The following EYS variants were observed in gnomAD, a reference collection of about 807,000 sequenced individuals.
EYS encodes the protein EGF-like photoreceptor maintenance factor.
EYS carries 250 observed loss-of-function variants against 282.1 expected under a neutral mutation model. That is an observed-to-expected ratio of 0.89 (90% CI 0.80 to 0.98). The LOEUF is 0.98. Among genes scored for constraint, EYS ranks in the 50% least tolerant of loss-of-function variants. The pLI is 0.00. For synonymous variants in EYS, 1,355 were observed against 1,282.9 expected (o/e 1.06, Z -1.20); for missense variants, 4,016 against 3,709.0 (o/e 1.08, Z -2.15).
intron 19 of EYS, among the ~76,000 whole-genome samples, chr6:64,847,569 T>G (rs1765754907): frequency 6.6e-6 from 1 of 152,068 alleles, no homozygotes; most frequent in Non-Finnish European, 1.5e-5. Context: ...AAATAATGTC[T>G]TGTAAGTCCA....
intron 13 of EYS, among the ~76,000 whole-genome samples, chr6:65,007,329 G>T (rs946471847): frequency 6.6e-6 from 1 of 152,104 alleles, no homozygotes; most frequent in African/African-American, 2.4e-5. Context: ...CCCCTAAGAT[G>T]TATTCTGGAG....
intron 7 of EYS, among the ~76,000 whole-genome samples, chr6:65,392,572 T>G (rs2150357388): frequency 6.6e-6 from 1 of 152,208 alleles, no homozygotes; most frequent in Middle Eastern, 3.4e-3. Flanking sequence ...CATGAAAAAA[T>G]GCTCACCATC....
At chr6:65,413,894 T>A (rs992170663) in intron 5 of EYS, among the ~76,000 whole-genome samples, 5 of 152,088 alleles carry the variant, frequency 3.3e-5, no homozygotes, top group African/African-American at 9.6e-5. Context: ...ACTTCCCACA[T>A]CTTGTTGTAT....
intron 5 of EYS, among the ~76,000 whole-genome samples, chr6:65,481,816 C>T (rs141728956): frequency 0.04 from 6,043 of 152,102 alleles, 143 homozygotes; most frequent in African/African-American, 0.047. Context: ...ATGATCCATC[C>T]GCCTCGGCCT....
At chr6:64,260,854 T>C (rs1279445968) in intron 30 of EYS, among the ~76,000 whole-genome samples, 5 of 152,012 alleles carry the variant, frequency 3.3e-5, no homozygotes, top group Admixed American at 6.6e-5. Context: ...TCTCTTAACT[T>C]TCCAATTTGT....
intron 31 of EYS, among the ~76,000 whole-genome samples, chr6:64,229,475 A>AT (rs1324649769): frequency 1.3e-5 from 2 of 152,172 alleles, no homozygotes; most frequent in Admixed American, 1.3e-4. Context: ...ACATCATGAT[A>AT]TTTTGCAAAC....
At chr6:65,402,972 C>A (rs1255878091) in intron 6 of EYS, among the ~76,000 whole-genome samples, 2 of 152,042 alleles carry the variant, frequency 1.3e-5, no homozygotes, top group Non-Finnish European at 2.9e-5. Context: ...GAAGCGCAGG[C>A]CACATGGAGA....
chr6:64,360,547 T>G (rs1388783680), intron 29 of EYS, among the ~76,000 whole-genome samples: 1 of 151,788 alleles, frequency 6.6e-6, no homozygotes, highest in Non-Finnish European at 1.5e-5. Context: ...TCCTTGTTAT[T>G]TTTCTCAGCT....
At chr6:64,686,516 C>T (rs377732385) in intron 22 of EYS, among the ~76,000 whole-genome samples, 3 of 150,712 alleles carry the variant, frequency 2.0e-5, no homozygotes, top group Non-Finnish European at 3.0e-5. Context: ...CCGAGGCGGG[C>T]GGATCACGAG....
chr6:65,377,199 A>C (rs1258023635), intron 8 of EYS, among the ~76,000 whole-genome samples: 1 of 152,206 alleles, frequency 6.6e-6, no homozygotes, highest in African/African-American at 2.4e-5. Context: ...CAGTGTAATC[A>C]AATTAAAACT....
chr6:65,332,552 G>T (rs148432678), intron 11 of EYS: 2 of 710,024 alleles, frequency 2.8e-6, no homozygotes, highest in African/African-American at 1.8e-5. Flanking sequence ...TATACAGAGG[G>T]TTTATAGTGC....
chr6:63,722,920 A>G (rs1768461572), intron 42 of EYS, among the ~76,000 whole-genome samples: 1 of 152,204 alleles, frequency 6.6e-6, no homozygotes, highest in African/African-American at 2.4e-5. Flanking sequence ...TGAGTATACT[A>G]TGTCGTTACA....
At chr6:64,485,928 G>A (rs1318250387) in intron 26 of EYS, among the ~76,000 whole-genome samples, 3 of 151,414 alleles carry the variant, frequency 2.0e-5, no homozygotes, top group African/African-American at 7.2e-5. Flanking sequence ...AAATACTGAG[G>A]ATTTATATTT....
intron 8 of EYS, among the ~76,000 whole-genome samples, chr6:65,363,755 CTTAGA>C (rs1452431779): frequency 1.3e-5 from 2 of 151,698 alleles, no homozygotes; most frequent in Non-Finnish European, 2.9e-5. Context: ...TTAACTAAAA[CTTAGA>C]TTAAATATAT....
chr6:64,812,855 C>T (rs184422789), intron 22 of EYS, among the ~76,000 whole-genome samples: 293 of 151,780 alleles, frequency 1.9e-3, no homozygotes, highest in Non-Finnish European at 3.8e-3. Flanking sequence ...TCAGAAATAA[C>T]AAAGGAAAAA....
At chr6:64,441,651 A>T (rs1354642288) in intron 26 of EYS, among the ~76,000 whole-genome samples, 1 of 152,098 alleles carries the variant, frequency 6.6e-6, no homozygotes, top group Non-Finnish European at 1.5e-5. Context: ...TGTGGGAGGG[A>T]CCCAGTGGGA....
chr6:65,610,979 G>A lies in EYS; in HGVS notation c.-333+28799C>T, dbSNP rs191001672. Among the ~76,000 whole-genome samples the A allele has an allele frequency of 3.4e-3, 515 of 151,874 alleles. 2 individuals carry two copies. Among genetic ancestry groups the A allele is most frequent in the Non-Finnish European group, 4.9e-3 (333 of 67,886 alleles). On this transcript the variant is annotated intron_variant, in intron 2 of 42. Coordinates refer to ENST00000503581, the MANE Select transcript of EYS (RefSeq NM_001142800.2). ...ATCATTGAACTGAATCATTTTATAC[G>A]ATTACAATTATCTTTCAGGCAATGT...
At chr6:65,690,267 G>A (rs1360784484) in intron 1 of EYS, among the ~76,000 whole-genome samples, 3 of 150,252 alleles carry the variant, frequency 2.0e-5, no homozygotes, top group Non-Finnish European at 4.4e-5. Flanking sequence ...GAAGCAGGAC[G>A]TGAAGCTAGA....
At chr6:64,551,509 A>C (rs560861786) in intron 26 of EYS, among the ~76,000 whole-genome samples, 17 of 151,152 alleles carry the variant, frequency 1.1e-4, no homozygotes, top group Non-Finnish European at 2.4e-4. Flanking sequence ...TCAACTGAAG[A>C]GACCCCTCAT....
Sources: allele counts gnomAD v4.1 joint callset (sites outside exome capture counted in the v4.1 genomes callset), GRCh38; gene constraint gnomAD v4.1.1; transcripts MANE v1.5; gene names NCBI Gene and HGNC (gene_info 2026-07-23, HGNC 2026-07-21).